Variants in FOXP1 observed in about 807,000 individuals in gnomAD.
FOXP1 encodes the protein forkhead box protein P1.
Under a neutral mutation model 98.2 loss-of-function variants are expected in FOXP1, and 15 were observed. The ratio of observed to expected loss-of-function variants is 0.15; its 90% CI spans 0.10 to 0.24. FOXP1 has a LOEUF of 0.24. Ranked by LOEUF, FOXP1 falls within the 10% of genes least tolerant of loss-of-function variation. The pLI, the probability that FOXP1 is intolerant of heterozygous loss-of-function variation, is 1.00. For missense variants in FOXP1, 633 were observed against 848.5 expected (o/e 0.75, Z 3.15); for synonymous variants, 371 against 314.5 (o/e 1.18, Z -1.90).
At chr3:71,398,864 T>C (rs2081747725) in intron 3 of FOXP1, among the ~76,000 whole-genome samples, 1 of 152,170 alleles carries the variant, frequency 6.6e-6, no homozygotes, top group African/African-American at 2.4e-5. Flanking sequence ...AAATAAGATA[T>C]ATAGGATAAT....
intron 5 of FOXP1, among the ~76,000 whole-genome samples, chr3:71,227,696 A>G (rs1358779158): frequency 1.3e-5 from 2 of 151,828 alleles, no homozygotes; most frequent in African/African-American, 4.8e-5. Context: ...ATTTGTTTTG[A>G]GATTAAAAAA....
intron 2 of FOXP1, among the ~76,000 whole-genome samples, chr3:71,549,975 A>T (rs894752490): frequency 2.0e-5 from 3 of 151,848 alleles, no homozygotes; most frequent in Non-Finnish European, 4.4e-5. Flanking sequence ...ATGTCAAAAA[A>T]TTTTTTTTCA....
chr3:71,419,162 G>C lies in FOXP1; in HGVS notation c.-167-59918C>G, dbSNP rs2083435632. Among the ~76,000 whole-genome samples, 6 of 147,954 alleles carry C rather than the reference G, an allele frequency of 4.1e-5. No homozygotes were observed. In the South Asian group the frequency reaches 1.3e-3, roughly 32 times the overall value. The stretch of plus-strand genomic sequence containing the variant: ...AGGCAGAAGAATCACTTTAAACTGG[G>C]AGGAAGAGGTTGCAGTGAGCTGTGA... On this transcript the variant is annotated intron_variant, in intron 3 of 20. Transcript: ENST00000649528.
chr3:71,052,134 A>G (rs1025570158), intron 9 of FOXP1, among the ~76,000 whole-genome samples: 4 of 152,116 alleles, frequency 2.6e-5, no homozygotes, highest in African/African-American at 9.7e-5. Context: ...CCAATGGAAA[A>G]GGCCATCACC....
intron 14 of FOXP1, 133 bp from the exon 15 acceptor site, chr3:70,978,162 G>C: frequency 2.7e-6 from 2 of 738,474 alleles, no homozygotes; most frequent in Non-Finnish European, 4.8e-6. Context: ...TGTTTACCAT[G>C]AACCGAAACA....
intron 3 of FOXP1, among the ~76,000 whole-genome samples, chr3:71,365,518 G>A (rs1000339237): frequency 6.6e-6 from 1 of 151,330 alleles, no homozygotes; most frequent in Non-Finnish European, 1.5e-5. Context: ...TTAAGATAGT[G>A]TAGGTAACAG....
chr3:71,169,859 A>C (rs912884270), intron 6 of FOXP1, among the ~76,000 whole-genome samples: 4 of 152,182 alleles, frequency 2.6e-5, no homozygotes, highest in Non-Finnish European at 5.9e-5. Flanking sequence ...GATAAGAAGA[A>C]GGCTCTTCTA....
intron 14 of FOXP1, among the ~76,000 whole-genome samples, chr3:70,982,418 ATTTTTC>A (rs1371583387): frequency 6.6e-6 from 1 of 152,122 alleles, no homozygotes; most frequent in Non-Finnish European, 1.5e-5. Flanking sequence ...TGGAAAGCCT[ATTTTTC>A]TTATTGTGTT....
In FOXP1 at chr3:71,460,954, T is replaced by C. The variant is rs989408634; in HGVS notation, c.-168+32472A>G. ...TGCCTTTGACTGTCGGGAATAGCTC[T>C]GACAAGCTGAAGGGAAAAAAACAAC... On this transcript the variant is annotated intron_variant, in intron 3 of 20. Coordinates refer to ENST00000649528, the MANE Select transcript of FOXP1 (RefSeq NM_001349338.3). 3.8e-4 allele frequency among the ~76,000 whole-genome samples: 58 copies of C among 152,246 alleles called. 1 individual carries two copies. Among genetic ancestry groups the C allele is most frequent in the African/African-American group, 1.4e-3 (57 of 41,532 alleles).
chr3:71,218,213 T>C (rs2065089014), intron 5 of FOXP1, among the ~76,000 whole-genome samples: 1 of 152,204 alleles, frequency 6.6e-6, no homozygotes, highest in Non-Finnish European at 1.5e-5. Flanking sequence ...ACTTTAGGAA[T>C]TTAGAATATG....
At chr3:71,293,201 T>C (rs2072940248) in intron 5 of FOXP1, among the ~76,000 whole-genome samples, 1 of 152,258 alleles carries the variant, frequency 6.6e-6, no homozygotes, top group Non-Finnish European at 1.5e-5. Context: ...CTGTGGTACG[T>C]CGTTAAGTTG....
intron 5 of FOXP1, among the ~76,000 whole-genome samples, chr3:71,269,945 A>G (rs950229685): frequency 1.3e-5 from 2 of 152,212 alleles, no homozygotes; most frequent in African/African-American, 2.4e-5. Flanking sequence ...GGCAGGGGGG[A>G]AAAGGCTGAA....
Position 71,312,408 on chromosome 3 carries a change from G to A in FOXP1, c.-72-12528C>T, listed in dbSNP as rs533769509. Among the ~76,000 whole-genome samples the A allele has an allele frequency of 4.6e-5, 7 of 152,318 alleles. No individual in the cohort carries two copies. The East Asian group carries it at 9.6e-4, about 21-fold the overall frequency. On this transcript the variant is annotated intron_variant, in intron 4 of 20. Coordinates refer to ENST00000649528, the MANE Select transcript of FOXP1 (RefSeq NM_001349338.3). ...CTGAAAAGAGTACTGTGTTCACTAC[G>A]AAGAATTCAGGCTTCAAGCTCCCCT...
At chr3:71,321,399 C>A (rs888055389) in intron 4 of FOXP1, among the ~76,000 whole-genome samples, 2 of 152,110 alleles carry the variant, frequency 1.3e-5, no homozygotes, top group African/African-American at 4.8e-5. Context: ...CCAGCCATAG[C>A]CCCAGACTCA....
intron 2 of FOXP1, among the ~76,000 whole-genome samples, chr3:71,525,567 C>T (rs1241393754): frequency 6.6e-6 from 1 of 152,220 alleles, no homozygotes; most frequent in Non-Finnish European, 1.5e-5. Flanking sequence ...GGTCTACACC[C>T]TGAACGAAGG....
intron 7 of FOXP1, among the ~76,000 whole-genome samples, chr3:71,058,812 A>G (rs1216255635): frequency 1.3e-5 from 2 of 152,030 alleles, no homozygotes; most frequent in African/African-American, 4.8e-5. Flanking sequence ...AAACAAAATG[A>G]ACCAACCAGG....
chr3:71,569,486 G>A (rs1334798531), intron 2 of FOXP1, among the ~76,000 whole-genome samples: 1 of 152,144 alleles, frequency 6.6e-6, no homozygotes, highest in East Asian at 1.9e-4. Context: ...CAATGGAAGA[G>A]CAAGTACTTA....
intron 3 of FOXP1, among the ~76,000 whole-genome samples, chr3:71,431,064 G>A (rs1350307743): frequency 6.6e-6 from 1 of 152,216 alleles, no homozygotes; most frequent in Non-Finnish European, 1.5e-5. Context: ...AGGGAGGTGA[G>A]TGGTGGAAGA....
At chr3:71,187,791 T>C (rs1395578015) in intron 6 of FOXP1, among the ~76,000 whole-genome samples, 2 of 152,090 alleles carry the variant, frequency 1.3e-5, no homozygotes. Context: ...AATGGAAATA[T>C]CATCCATAGG....
Sources: gnomAD v4.1 joint callset for allele counts (sites outside exome capture counted in the v4.1 genomes callset) on GRCh38, gnomAD v4.1.1 for gene constraint, MANE v1.5 for transcripts, NCBI Gene and HGNC (gene_info 2026-07-23, HGNC 2026-07-21) for gene names.